The following REV1 variants were observed in gnomAD, a reference collection of about 807,000 sequenced individuals.
The protein encoded by REV1 is REV1 DNA directed polymerase.
In REV1, 42 loss-of-function variants were observed where a neutral mutation model predicts 137.4. That is an observed-to-expected ratio of 0.31 (90% CI 0.24 to 0.40). REV1 has a LOEUF of 0.40. REV1 is among the 10% of genes least tolerant of loss of function. The probability of loss-of-function intolerance (pLI) is 1.00; values close to 1 mark genes in which losing one functional copy is unlikely to be tolerated. For missense variants in REV1, 1,282 were observed against 1,490.1 expected, an observed-to-expected ratio of 0.86 and a Z score of 2.30; for synonymous variants, 524 against 519.2, an observed-to-expected ratio of 1.01 and a Z score of -0.12.
At chr2:99,451,323 T>G in intron 3 of REV1, 1 of 1,202,254 alleles carries the variant, frequency 8.3e-7, no homozygotes, top group South Asian at 1.6e-5. Flanking sequence ...ACTTTCCATA[T>G]ACATACTCAT....
Position 99,429,927 on chromosome 2 carries a change from A to C in REV1, c.1460T>G (p.Leu487Trp), listed in dbSNP as rs757715955. 1.3e-6 allele frequency: 2 copies of C among 1,599,298 alleles called. No individual in the cohort carries two copies. The highest frequency in any genetic ancestry group is 2.7e-5 in the African/African-American group (2 of 74,364). ...TTGCGCAGAATCTGGATTCTCCCAC[A>C]ATGATGAATCTGGTATATCTGCTTT... ...GKAADIPDSSLWENPDSAQAN... is the reference protein window; with the variant it reads ...GKAADIPDSSWWENPDSAQAN... The change falls in exon 9 of 23, where the codon TTG becomes TGG. Residue 487 changes from leucine to tryptophan, a missense_variant. By Grantham distance (61) the Leu-to-Trp change is moderately conservative. Coordinates refer to ENST00000258428, the MANE Select transcript of REV1 (RefSeq NM_016316.4).
chr2:99,426,942 T>C (rs1193799215), intron 9 of REV1, among the ~76,000 whole-genome samples: 8 of 152,154 alleles, frequency 5.3e-5, no homozygotes, highest in African/African-American at 1.9e-4. Flanking sequence ...CCAGCACTTT[T>C]GGGAGGCCAA....
At chr2:99,409,875 A>AC in intron 14 of REV1, among the ~76,000 whole-genome samples, 1 of 130,316 alleles carries the variant, frequency 7.7e-6, no homozygotes, top group Non-Finnish European at 1.6e-5. Context: ...CCCAAAAAAA[A>AC]CAGCGTTTTT....
At chr2:99,454,591 A>T (rs28493346) in intron 3 of REV1, among the ~76,000 whole-genome samples, 1 of 125,156 alleles carries the variant, frequency 8.0e-6, no homozygotes, top group Non-Finnish European at 1.7e-5. Context: ...AAAAAAAAAA[A>T]CCCAAAAATT....
At chr2:99,469,894 G>A (rs1170648311) in intron 1 of REV1, among the ~76,000 whole-genome samples, 1 of 151,978 alleles carries the variant, frequency 6.6e-6, no homozygotes, top group Non-Finnish European at 1.5e-5. Context: ...GGCCGAGGCG[G>A]GCAGATCACG....
chr2:99,422,231 T>C (rs1183892948), intron 10 of REV1, among the ~76,000 whole-genome samples: 1 of 152,218 alleles, frequency 6.6e-6, no homozygotes, highest in Non-Finnish European at 1.5e-5. Flanking sequence ...CATGTGGACA[T>C]ACTTTTTAAA....
chr2:99,480,070 G>A (rs1008138408), intron 1 of REV1, among the ~76,000 whole-genome samples: 4 of 152,312 alleles, frequency 2.6e-5, no homozygotes, highest in Admixed American at 2.6e-4. Context: ...CTGTATCTCA[G>A]CACTTTGCGG....
intron 12 of REV1, among the ~76,000 whole-genome samples, chr2:99,416,484 A>G (rs748618982): frequency 6.6e-6 from 1 of 152,196 alleles, no homozygotes; most frequent in Non-Finnish European, 1.5e-5. Flanking sequence ...GATTTTATGA[A>G]AACCACATGA....
intron 8 of REV1, among the ~76,000 whole-genome samples, chr2:99,430,272 T>C (rs1461884894): frequency 6.6e-6 from 1 of 152,094 alleles, no homozygotes; most frequent in Non-Finnish European, 1.5e-5. Flanking sequence ...TGAGAAGTGA[T>C]CAGGGAGATG....
chr2:99,489,658 G>A (rs1465688879), intron 1 of REV1, among the ~76,000 whole-genome samples, 159 bp downstream of exon 1: 11 of 149,280 alleles, frequency 7.4e-5, no homozygotes, highest in Non-Finnish European at 1.5e-5. Context: ...GCCGCGACAG[G>A]ACGGCCGCGG....
intron 1 of REV1, among the ~76,000 whole-genome samples, chr2:99,488,532 CCTAAGAATTGA>C (rs1687332105): frequency 2.0e-5 from 1 of 49,886 alleles, no homozygotes. Flanking sequence ...GCGCAAATAG[CCTAAGAATTGA>C]ATGGAAGAGA....
intron 3 of REV1, among the ~76,000 whole-genome samples, chr2:99,454,077 G>C (rs1683243563): frequency 6.6e-6 from 1 of 151,556 alleles, no homozygotes; most frequent in Admixed American, 6.6e-5. Context: ...ACCCAGGCTA[G>C]ACTGCAATGG....
In REV1 at chr2:99,410,812, A is replaced by G. The variant is rs1677030550; in HGVS notation, c.2228T>C (p.Leu743Pro). The G allele has an allele frequency of 1.9e-6, 3 of 1,606,758 alleles. No homozygotes were observed. Among genetic ancestry groups the G allele is most frequent in the Non-Finnish European group, 2.5e-6 (3 of 1,178,148 alleles). ...TTTACCCTTCATGCCAGTGGCTTCT[A>G]GTCTTCTTTGAATTTCTTCTGAAAG... ...LSLSEEIQRR[L>P]EATGMKGKRL... The change falls in exon 14 of 23, where the codon CTA becomes CCA. Residue 743 changes from leucine (L) to proline (P), a missense_variant. Physicochemically the swap from Leu to Pro is moderately conservative, Grantham distance 98 (BLOSUM62 -3). Transcript: ENST00000258428.
At chr2:99,443,980 G>A (rs931376400) in intron 4 of REV1, among the ~76,000 whole-genome samples, 3 of 152,072 alleles carry the variant, frequency 2.0e-5, no homozygotes, top group South Asian at 2.1e-4. Flanking sequence ...CACCACGCCC[G>A]GCTAATTTTT....
chr2:99,477,760 A>G (rs1389756961), intron 1 of REV1, among the ~76,000 whole-genome samples: 3 of 152,238 alleles, frequency 2.0e-5, no homozygotes, highest in South Asian at 4.1e-4. Flanking sequence ...TCAATACAAC[A>G]AAGAGTTTTC....
At position 99,421,614 on chromosome 2, in the gene REV1, C is replaced by T. The variant is rs28382926; in HGVS notation, c.1716G>A (p.Ala572=). 6.1e-4 allele frequency: 978 copies of T among 1,614,060 alleles called. 6 individuals carry two copies. In the African/African-American group the frequency reaches 0.011, roughly 19 times the overall value. ...CAAGGATTTCGGTAATGTCTACCAG[C>T]GCTTCATCACAACTGACAGCTTCAA... is the stretch of plus-strand genomic sequence containing the variant. The part of the protein sequence containing the change: ...HNIEAVSCDE[A]LVDITEILAE... Residue 572 remains alanine (A), a synonymous_variant, in exon 11 of 23, where the codon GCG becomes GCA. Coordinates refer to ENST00000258428, the MANE Select transcript of REV1 (RefSeq NM_016316.4).
intron 8 of REV1, chr2:99,431,995 T>C (rs1680185893): frequency 1.3e-6 from 1 of 753,216 alleles, no homozygotes; most frequent in Non-Finnish European, 1.6e-6. Flanking sequence ...TTTTTAAAAC[T>C]GTTGTTCTTT....
intron 4 of REV1, among the ~76,000 whole-genome samples, chr2:99,442,843 T>C (rs980561351): frequency 1.3e-5 from 2 of 152,114 alleles, no homozygotes; most frequent in Non-Finnish European, 2.9e-5. Context: ...AATAAAAATA[T>C]AGGACAAAAT....
In REV1 at chr2:99,402,879, A is replaced by C; in HGVS notation, c.3384+10T>G. On this transcript the variant is annotated intron_variant, in intron 20 of 22. Transcript: ENST00000258428. The stretch of plus-strand genomic sequence containing the variant: ...TTAAGATCTCATAAAGGTCAAAGTT[A>C]AGGAATTACCAGGGGTTTCTCTGCA... 6.2e-7 allele frequency: 1 copy of C among 1,613,150 alleles called. No homozygotes were observed. Among genetic ancestry groups the C allele is most frequent in the Non-Finnish European group, 8.5e-7 (1 of 1,179,638 alleles).
Sources: allele counts gnomAD v4.1 joint callset (sites outside exome capture counted in the v4.1 genomes callset), GRCh38; gene constraint gnomAD v4.1.1; transcripts MANE v1.5; gene names NCBI Gene and HGNC (gene_info 2026-07-23, HGNC 2026-07-21).